DNAJC7: variants seen among roughly 807,000 people sequenced by gnomAD.
DNAJC7 encodes the protein dnaJ homolog subfamily C member 7.
DNAJC7 carries 18 observed loss-of-function variants against 67.4 expected under a neutral mutation model. That is an observed-to-expected ratio of 0.27 (90% confidence interval 0.18 to 0.40). DNAJC7 has a LOEUF of 0.40. Among genes scored for constraint, DNAJC7 ranks in the 10% least tolerant of loss-of-function variants. DNAJC7 has a pLI of 1.00. For missense variants in DNAJC7, 419 were observed against 613.8 expected (o/e 0.68, Z 3.35); for synonymous variants, 220 against 207.8 (o/e 1.06, Z -0.50).
At chr17:41,990,994 G>A (rs945479592) in intron 5 of DNAJC7, among the ~76,000 whole-genome samples, 3 of 152,046 alleles carry the variant, frequency 2.0e-5, no homozygotes, top group Non-Finnish European at 4.4e-5. Context: ...GCTCTAAATA[G>A]GCTACATCAG....
intron 5 of DNAJC7, among the ~76,000 whole-genome samples, chr17:41,994,331 A>G (rs1241096301): frequency 1.3e-5 from 2 of 151,550 alleles, no homozygotes; most frequent in African/African-American, 2.4e-5. Flanking sequence ...GTGAAACTCC[A>G]TCTCAAAAAA....
At chr17:42,016,982 C>G (rs2052315758) in intron 1 of DNAJC7, 2 of 1,243,574 alleles carry the variant, frequency 1.6e-6, no homozygotes, top group South Asian at 3.2e-5. Context: ...AACAAGAGAA[C>G]GCGGGGGTCG....
Position 42,000,578 on chromosome 17 carries a change from TGAAAGA to T in DNAJC7, c.78-14_78-9del, listed in dbSNP as rs782568397. The stretch of plus-strand genomic sequence containing the variant: ...TTGAAAGTCTCTGCTTCCCTGAAAA[TGAAAGA>T]GAAAGAGAATCATGTTACTTTACAA... On this transcript the variant is annotated splice_polypyrimidine_tract_variant and intron_variant, in intron 1 of 13. Coordinates refer to ENST00000457167, the MANE Select transcript of DNAJC7 (RefSeq NM_003315.4). 7 of 1,597,050 alleles carry T rather than the reference TGAAAGA, an allele frequency of 4.4e-6. No homozygotes were observed. The East Asian group carries it at 1.3e-4, about 31-fold the overall frequency.
chr17:42,005,668 C>T (rs2051928403), intron 1 of DNAJC7, among the ~76,000 whole-genome samples: 1 of 152,194 alleles, frequency 6.6e-6, no homozygotes, highest in South Asian at 2.1e-4. Context: ...CATTATTCTG[C>T]AACACTTGTA....
At chr17:42,000,101 G>T (rs1425407063) in intron 2 of DNAJC7, among the ~76,000 whole-genome samples, 1 of 139,956 alleles carries the variant, frequency 7.1e-6, no homozygotes, top group African/African-American at 2.7e-5. Flanking sequence ...TTACAGGCAT[G>T]AGCCACTGAG....
chr17:41,989,624 TG>T, intron 6 of DNAJC7, 67 bp from the exon 7 acceptor site: 1 of 1,576,154 alleles, frequency 6.3e-7, no homozygotes, highest in Non-Finnish European at 8.6e-7. Flanking sequence ...CTACCATTTG[TG>T]GCCAGTTTTC....
chr17:42,002,314 C>A (rs1193946665), intron 1 of DNAJC7, among the ~76,000 whole-genome samples: 2 of 152,162 alleles, frequency 1.3e-5, no homozygotes, highest in African/African-American at 4.8e-5. Context: ...TAAGAATATA[C>A]AAATCTTTGA....
chr17:42,004,370 G>T (rs1192658948), intron 1 of DNAJC7, among the ~76,000 whole-genome samples: 2 of 152,154 alleles, frequency 1.3e-5, no homozygotes, highest in Non-Finnish European at 2.9e-5. Context: ...CTAAGTCCTA[G>T]AAGTTTATGT....
intron 2 of DNAJC7, among the ~76,000 whole-genome samples, chr17:41,998,535 A>G (rs1307008640): frequency 1.3e-5 from 2 of 152,208 alleles, no homozygotes; most frequent in African/African-American, 4.8e-5. Context: ...GCAAGGATAC[A>G]ATCAGTTTTA....
chr17:41,988,028 T>C (rs2051427825), intron 8 of DNAJC7, 118 bp from the exon 9 acceptor site: 1 of 790,424 alleles, frequency 1.3e-6, no homozygotes. Context: ...TTAAATGTCA[T>C]ATTAAGTTCT....
intron 5 of DNAJC7, among the ~76,000 whole-genome samples, chr17:41,991,744 A>G (rs575409563): frequency 1.3e-5 from 2 of 152,204 alleles, no homozygotes; most frequent in South Asian, 2.1e-4. Flanking sequence ...CAGTGGCACA[A>G]TCATGGCTCA....
intron 1 of DNAJC7, among the ~76,000 whole-genome samples, chr17:42,008,393 T>C (rs1287595465): frequency 1.4e-5 from 2 of 140,806 alleles, no homozygotes; most frequent in East Asian, 4.3e-4. Context: ...GTCACAGGTA[T>C]AGATATATAT....
chr17:42,000,690 C>T lies in DNAJC7; in HGVS notation c.78-120G>A, dbSNP rs531805276. The T allele has an allele frequency of 3.7e-4, 250 of 677,680 alleles. No individual in the cohort carries two copies. The African/African-American group carries it at 4.3e-3, about 12-fold the overall frequency. 42.0% of individuals were successfully genotyped at this position (677,680 alleles called of 1,614,324 possible). On this transcript the variant is annotated intron_variant, in intron 1 of 13. Transcript: ENST00000457167. ...CACTGAGCTGAAAGTTAGTGTGATA[C>T]TTGAAGGATTTATAGATTTGTTGAA...
chr17:42,007,488 TTA>T (rs1305020017), intron 1 of DNAJC7, among the ~76,000 whole-genome samples: 1 of 152,194 alleles, frequency 6.6e-6, no homozygotes. Context: ...CTATTCCATC[TTA>T]CCAAAAGCAT....
intron 1 of DNAJC7, among the ~76,000 whole-genome samples, chr17:42,009,891 TC>T (rs2052070936): frequency 6.6e-6 from 1 of 152,198 alleles, no homozygotes; most frequent in Admixed American, 6.5e-5. Context: ...ACGCCTGTAA[TC>T]CCAGCACTTG....
chr17:42,003,199 G>A (rs962937687), intron 1 of DNAJC7, among the ~76,000 whole-genome samples: 2 of 152,188 alleles, frequency 1.3e-5, no homozygotes, highest in Admixed American at 6.5e-5. Flanking sequence ...TCATAGAAAC[G>A]TGGCTGATTA....
At position 41,989,470 on chromosome 17, in the gene DNAJC7, T is replaced by C; in HGVS notation, c.687A>G (p.Ala229=). 2 of 1,614,016 alleles carry C rather than the reference T, an allele frequency of 1.2e-6. No individual in the cohort carries two copies. The highest frequency in any genetic ancestry group is 1.7e-6 in the Non-Finnish European group (2 of 1,179,892). The change falls in exon 7 of 14, where the codon GCA becomes GCG. Residue 229 remains alanine, a synonymous_variant. Coordinates refer to ENST00000457167, the MANE Select transcript of DNAJC7 (RefSeq NM_003315.4). ...CLYYEDCIEK[A]VQFFVQALRM... is the part of the protein sequence containing the mutation. ...TGAGAGCCTGTACGAAAAACTGAAC[T>C]GCCTTCTCAATACAATCTTCGTAAT...
At chr17:41,993,895 T>A (rs1409988997) in intron 5 of DNAJC7, among the ~76,000 whole-genome samples, 1 of 145,390 alleles carries the variant, frequency 6.9e-6, no homozygotes, top group East Asian at 2.0e-4. Flanking sequence ...AAAACAAAAT[T>A]AGCCATGCGT....
intron 9 of DNAJC7, among the ~76,000 whole-genome samples, chr17:41,986,860 T>A (rs1282618749): frequency 3.3e-5 from 5 of 152,182 alleles, no homozygotes; most frequent in Non-Finnish European, 7.3e-5. Flanking sequence ...AGGTAGTCCA[T>A]GAGATATTCT....
Sources: allele counts gnomAD v4.1 joint callset (sites outside exome capture counted in the v4.1 genomes callset), GRCh38; gene constraint gnomAD v4.1.1; transcripts MANE v1.5; gene names NCBI Gene and HGNC (gene_info 2026-07-23, HGNC 2026-07-21).